The following PXDNL variants were observed in gnomAD, a reference collection of about 807,000 sequenced individuals.
PXDNL encodes the protein peroxidasin like.
A neutral mutation model predicts 150.8 loss-of-function variants in PXDNL; 145 were observed. The observed-to-expected ratio is 0.96, with a 90% CI of 0.84 to 1.10. PXDNL has a LOEUF of 1.10. Ranked by LOEUF, PXDNL falls within the 50% of genes least tolerant of loss-of-function variation. PXDNL has a pLI of 0.00. For synonymous variants in PXDNL, 757 were observed against 725.7 expected (o/e 1.04, Z -0.69); for missense variants, 2,087 against 1,873.9 (o/e 1.11, Z -2.10).
chr8:51,656,469 T>C (rs955470313), intron 1 of PXDNL, among the ~76,000 whole-genome samples: 3 of 152,136 alleles, frequency 2.0e-5, no homozygotes, highest in Admixed American at 6.5e-5. Flanking sequence ...TATAAGACAT[T>C]AAGTTATGTA....
intron 2 of PXDNL, among the ~76,000 whole-genome samples, chr8:51,613,209 AAT>A (rs551266682): frequency 1.3e-5 from 2 of 151,774 alleles, no homozygotes; most frequent in Non-Finnish European, 2.9e-5. Flanking sequence ...CACCAAAAAA[AAT>A]ATATATATAT....
intron 2 of PXDNL, among the ~76,000 whole-genome samples, chr8:51,612,004 C>G (rs1814016696): frequency 6.6e-6 from 1 of 152,212 alleles, no homozygotes; most frequent in African/African-American, 2.4e-5. Flanking sequence ...CTGGGTCACT[C>G]TGCTATGCTT....
intron 8 of PXDNL, among the ~76,000 whole-genome samples, chr8:51,466,317 A>T (rs572874502): frequency 6.6e-6 from 1 of 152,326 alleles, no homozygotes; most frequent in African/African-American, 2.4e-5. Context: ...CTATTCAATA[A>T]ATGGTGCTGG....
intron 3 of PXDNL, among the ~76,000 whole-genome samples, chr8:51,563,000 A>G (rs897772586): frequency 6.6e-6 from 1 of 151,912 alleles, no homozygotes; most frequent in Non-Finnish European, 1.5e-5. Context: ...CTGTGACAAG[A>G]AAGAAATAGA....
chr8:51,659,550 A>G lies in PXDNL; in HGVS notation c.165-4790T>C, dbSNP rs574144898. ...AGAAAAGGGATGGACAGAGAGCAAC[A>G]TGAACTAGCTCCACGCGAACTATCA... is the stretch of plus-strand genomic sequence containing the variant. On this transcript the variant is annotated intron_variant, in intron 1 of 22. Coordinates refer to ENST00000356297, the MANE Select transcript of PXDNL (RefSeq NM_144651.5). Among the ~76,000 whole-genome samples the G allele has an allele frequency of 6.8e-4, 103 of 152,360 alleles. 1 individual carries two copies. In the South Asian group the frequency reaches 0.019, roughly 28 times the overall value.
At chr8:51,809,120 C>G (rs1014364656) in intron 1 of PXDNL, 61 bp downstream of exon 1, 1 of 1,561,962 alleles carries the variant, frequency 6.4e-7, no homozygotes, top group East Asian at 2.2e-5. Flanking sequence ...GACACAGGTC[C>G]TAGCAGAGAA....
intron 12 of PXDNL, among the ~76,000 whole-genome samples, chr8:51,441,381 C>T (rs1809545119): frequency 6.6e-6 from 1 of 152,154 alleles, no homozygotes; most frequent in Non-Finnish European, 1.5e-5. Flanking sequence ...AGAGTTGCCT[C>T]CCTTCAAATT....
intron 4 of PXDNL, among the ~76,000 whole-genome samples, chr8:51,516,770 T>G (rs1442646190): frequency 6.6e-6 from 1 of 152,140 alleles, no homozygotes; most frequent in East Asian, 1.9e-4. Context: ...CCCCTTTAAC[T>G]GTTTCCTGAC....
intron 1 of PXDNL, among the ~76,000 whole-genome samples, chr8:51,668,305 G>T (rs573022715): frequency 6.7e-5 from 10 of 150,232 alleles, no homozygotes; most frequent in Non-Finnish European, 1.5e-4. Flanking sequence ...CTCCTGAGTA[G>T]CTGGAACTAC....
At chr8:51,431,604 T>A (rs966677763) in intron 12 of PXDNL, among the ~76,000 whole-genome samples, 2 of 152,232 alleles carry the variant, frequency 1.3e-5, no homozygotes, top group Admixed American at 1.3e-4. Flanking sequence ...TCAGGGTTTT[T>A]GTGTAACCCA....
intron 2 of PXDNL, among the ~76,000 whole-genome samples, chr8:51,617,149 C>T (rs540001834): frequency 1.3e-5 from 2 of 152,264 alleles, no homozygotes; most frequent in South Asian, 2.1e-4. Context: ...AAACACAATT[C>T]GCCAATTTGT....
At chr8:51,486,106 T>C (rs1351645148) in intron 5 of PXDNL, among the ~76,000 whole-genome samples, 2 of 152,180 alleles carry the variant, frequency 1.3e-5, no homozygotes, top group African/African-American at 4.8e-5. Context: ...TGTTCTTTCT[T>C]TAAACGTATT....
chr8:51,394,065 G>A (rs896522153), intron 17 of PXDNL, among the ~76,000 whole-genome samples: 2 of 152,170 alleles, frequency 1.3e-5, no homozygotes, highest in Non-Finnish European at 2.9e-5. Context: ...GTGTCCTTGG[G>A]AAAGTTAACA....
chr8:51,562,878 G>A (rs1812745783), intron 3 of PXDNL, among the ~76,000 whole-genome samples: 1 of 151,936 alleles, frequency 6.6e-6, no homozygotes, highest in Non-Finnish European at 1.5e-5. Context: ...AAGAGACAAA[G>A]GTTTTTGCAG....
At chr8:51,795,301 GAT>G (rs1486408535) in intron 1 of PXDNL, among the ~76,000 whole-genome samples, 1 of 152,236 alleles carries the variant, frequency 6.6e-6, no homozygotes, top group African/African-American at 2.4e-5. Flanking sequence ...GGACATGATA[GAT>G]ATCTACAGAA....
At chr8:51,585,155 C>T (rs868459661) in intron 3 of PXDNL, among the ~76,000 whole-genome samples, 4 of 151,934 alleles carry the variant, frequency 2.6e-5, no homozygotes, top group Non-Finnish European at 4.4e-5. Flanking sequence ...GTAAGGAGTG[C>T]GTTTGAAGGG....
chr8:51,345,355 A>G (rs188636904), intron 20 of PXDNL, among the ~76,000 whole-genome samples: 1 of 152,344 alleles, frequency 6.6e-6, no homozygotes, highest in East Asian at 1.9e-4. Flanking sequence ...TTTCAAAGGA[A>G]TAAGACTGAC....
intron 2 of PXDNL, among the ~76,000 whole-genome samples, chr8:51,608,066 C>A (rs143577762): frequency 0.12 from 11,116 of 91,198 alleles, 538 homozygotes; most frequent in Middle Eastern, 0.14. Context: ...AGCAAGCAAG[C>A]AAGCAAGCAA....
intron 3 of PXDNL, among the ~76,000 whole-genome samples, chr8:51,583,368 C>T (rs1279940550): frequency 6.6e-6 from 1 of 152,066 alleles, no homozygotes; most frequent in Non-Finnish European, 1.5e-5. Context: ...CCTTATCAAT[C>T]TTGAAAGGTT....
Sources: gnomAD v4.1 joint callset for allele counts (sites outside exome capture counted in the v4.1 genomes callset) on GRCh38, gnomAD v4.1.1 for gene constraint, MANE v1.5 for transcripts, NCBI Gene and HGNC (gene_info 2026-07-23, HGNC 2026-07-21) for gene names.